The following GRIA2 variants were observed in gnomAD, a reference collection of about 807,000 sequenced individuals.
GRIA2 encodes glutamate ionotropic receptor AMPA type subunit 2.
Under a neutral mutation model 97.3 loss-of-function variants are expected in GRIA2, and 14 were observed. That is an observed-to-expected ratio of 0.14 (90% CI 0.10 to 0.23). The LOEUF (loss-of-function observed/expected upper bound fraction) is 0.23. GRIA2 is among the 10% of genes least tolerant of loss of function. The pLI is 1.00. For missense variants in GRIA2, 558 were observed against 1,069.8 expected (o/e 0.52, Z 6.67); for synonymous variants, 412 against 387.8 (o/e 1.06, Z -0.73).
chr4:157,223,030 G>A (rs1368811089), intron 2 of GRIA2, among the ~76,000 whole-genome samples: 1 of 152,138 alleles, frequency 6.6e-6, no homozygotes, highest in Non-Finnish European at 1.5e-5. Context: ...GGAGATCTGC[G>A]GATGGCTCAC....
intron 12 of GRIA2, among the ~76,000 whole-genome samples, chr4:157,356,442 T>C (rs1250599965): frequency 6.6e-6 from 1 of 151,780 alleles, no homozygotes; most frequent in African/African-American, 2.4e-5. Flanking sequence ...GTGGTTTATT[T>C]TAAAAGTGTG....
chr4:157,341,651 T>C (rs1037422724), intron 12 of GRIA2, among the ~76,000 whole-genome samples, 189 bp downstream of exon 12: 2 of 152,114 alleles, frequency 1.3e-5, no homozygotes, highest in African/African-American at 4.8e-5. Context: ...TAGTTTCTGA[T>C]TCCTGACTCC....
Position 157,363,765 on chromosome 4 carries a change from CTT to C in GRIA2, c.*338_*339del. ...GGAATGATTAATTAAAACACAACATCTTTTTCTACTCGAGTTACAGACAAAGC... is the reference window on the plus strand; with the variant it reads ...GGAATGATTAATTAAAACACAACATCTTTCTACTCGAGTTACAGACAAAGC... On this transcript the variant is annotated 3_prime_UTR_variant, in exon 16 of 16. Coordinates refer to ENST00000264426, the MANE Select transcript of GRIA2 (RefSeq NM_001083619.3). 2.5e-6 allele frequency: 1 copy of C among 392,570 alleles called. No homozygotes were observed. Among genetic ancestry groups the C allele is most frequent in the Admixed American group, 4.5e-5 (1 of 22,296 alleles). The allele number at this position is 392,570 out of a possible 1,614,324, so 24.3% of individuals were successfully genotyped here.
intron 2 of GRIA2, among the ~76,000 whole-genome samples, chr4:157,256,232 TAATA>T (rs1731255179): frequency 8.3e-6 from 1 of 121,162 alleles, no homozygotes; most frequent in Non-Finnish European, 1.7e-5. Context: ...ATATAATATA[TAATA>T]TATATATATA....
intron 2 of GRIA2, among the ~76,000 whole-genome samples, chr4:157,242,920 G>A (rs1730570459): frequency 6.6e-6 from 1 of 152,076 alleles, no homozygotes; most frequent in Non-Finnish European, 1.5e-5. Context: ...GCACATCACA[G>A]CCTTCTTGTG....
At chr4:157,238,886 A>C (rs533003617) in intron 2 of GRIA2, among the ~76,000 whole-genome samples, 1 of 152,232 alleles carries the variant, frequency 6.6e-6, no homozygotes, top group African/African-American at 2.4e-5. Context: ...TACCTATTTG[A>C]TACCTAAAAA....
chr4:157,353,093 C>G (rs1382338564), intron 12 of GRIA2, among the ~76,000 whole-genome samples: 7 of 152,110 alleles, frequency 4.6e-5, no homozygotes, highest in Non-Finnish European at 1.0e-4. Flanking sequence ...TAGCTCACGC[C>G]TGTAATCCCA....
At position 157,365,580 on chromosome 4, in the gene GRIA2, G is replaced by C. The variant is rs1373500659; in HGVS notation, c.*2149G>C. The C allele has an allele frequency of 1.3e-5, 2 of 151,908 alleles. No homozygotes were observed. The highest frequency in any genetic ancestry group is 3.0e-5 in the Non-Finnish European group (2 of 67,574). 9.4% of individuals were successfully genotyped at this position (151,908 alleles called of 1,614,324 possible). On this transcript the variant is annotated 3_prime_UTR_variant, in exon 16 of 16. Coordinates refer to ENST00000264426, the MANE Select transcript of GRIA2 (RefSeq NM_001083619.3). ...AACATGACAAGAATACATAATGTAA[G>C]AGTATTTCAACTATGGATAATGTTG...
At chr4:157,235,065 C>T (rs1456837306) in intron 2 of GRIA2, among the ~76,000 whole-genome samples, 1 of 152,012 alleles carries the variant, frequency 6.6e-6, no homozygotes, top group Admixed American at 6.6e-5. Context: ...ATCATAAGAC[C>T]TTTGGTCAAA....
intron 11 of GRIA2, 46 bp from the exon 12 acceptor site, chr4:157,341,218 A>C (rs751158422): frequency 1.5e-5 from 19 of 1,254,058 alleles, no homozygotes; most frequent in Non-Finnish European, 2.1e-5. Flanking sequence ...TTTTTTTATT[A>C]GGTCATTCAT....
At chr4:157,304,088 C>G (rs890577009) in intron 3 of GRIA2, among the ~76,000 whole-genome samples, 3 of 152,186 alleles carry the variant, frequency 2.0e-5, no homozygotes, top group African/African-American at 7.2e-5. Context: ...AGCTAAAAGT[C>G]TATGACAGCT....
chr4:157,265,943 T>C (rs1352990159), intron 2 of GRIA2, among the ~76,000 whole-genome samples: 2 of 151,928 alleles, frequency 1.3e-5, no homozygotes, highest in African/African-American at 4.8e-5. Context: ...ACTAGAAAGG[T>C]AGGTAGGGAT....
intron 2 of GRIA2, among the ~76,000 whole-genome samples, chr4:157,289,684 T>G (rs909455488): frequency 6.6e-6 from 1 of 151,846 alleles, no homozygotes; most frequent in Admixed American, 6.6e-5. Flanking sequence ...ATTAATAAAG[T>G]TTCTTGATGG....
chr4:157,363,428 ATT>A lies in GRIA2; in HGVS notation c.*4-5_*4-4del, dbSNP rs950719158. ...TTTTTCTTTCTTTCCCTCCTCTCTC[ATT>A]TAAGATGACCTTGAATGATGCCATG... On this transcript the variant is annotated splice_polypyrimidine_tract_variant and splice_region_variant and intron_variant, in intron 15 of 15. Transcript: ENST00000264426. 24 of 1,243,900 alleles carry A rather than the reference ATT, an allele frequency of 1.9e-5. No individual in the cohort carries two copies. In the African/African-American group the frequency reaches 3.6e-4, roughly 18 times the overall value. 77.1% of individuals were successfully genotyped at this position (1,243,900 alleles called of 1,614,324 possible).
chr4:157,282,851 G>T (rs879238697), intron 2 of GRIA2, among the ~76,000 whole-genome samples: 1 of 151,974 alleles, frequency 6.6e-6, no homozygotes, highest in African/African-American at 2.4e-5. Context: ...TGTATGAGCC[G>T]ACATCCAAAA....
At position 157,335,768 on chromosome 4, in the gene GRIA2, A is replaced by G; in HGVS notation, c.1364A>G (p.Lys455Arg). 2 of 1,612,956 alleles carry G rather than the reference A, an allele frequency of 1.2e-6. No homozygotes were observed. Among genetic ancestry groups the G allele is most frequent in the South Asian group, 1.1e-5 (1 of 91,064 alleles). ...YCVDLAAEIA[K>R]HCGFKYKLTI... ...GTTGACCTGGCTGCAGAAATCGCCA[A>G]ACATTGTGGGTTCAAGTACAAGTTG... Residue 455 changes from lysine to arginine, a missense_variant, in exon 10 of 16, where the codon AAA (lysine) becomes AGA (arginine). Coordinates refer to ENST00000264426, the MANE Select transcript of GRIA2 (RefSeq NM_001083619.3).
chr4:157,359,924 T>G lies in GRIA2; in HGVS notation c.2072T>G (p.Met691Arg), dbSNP rs2126998486. 1 of 1,613,762 alleles carries G rather than the reference T, an allele frequency of 6.2e-7. No homozygotes were observed. The highest frequency in any genetic ancestry group is 1.1e-5 in the South Asian group (1 of 91,078). The change falls in exon 13 of 16, where the codon ATG becomes AGG. Residue 691 changes from methionine to arginine, a missense_variant. Met to Arg is a moderately conservative substitution (Grantham distance 91, BLOSUM62 -1). Coordinates refer to ENST00000264426, the MANE Select transcript of GRIA2 (RefSeq NM_001083619.3). ...RRSKIAVFDK[M>R]WTYMRSAEPS... is the part of the protein sequence containing the mutation. ...TCTAAAATTGCAGTGTTTGATAAAA[T>G]GTGGACCTACATGCGGAGTGCGGAG...
chr4:157,332,683 A>G (rs1735109165), intron 6 of GRIA2, 136 bp from the exon 7 acceptor site: 1 of 601,958 alleles, frequency 1.7e-6, no homozygotes, highest in East Asian at 2.8e-5. Flanking sequence ...TTAGGTTTCT[A>G]GATGCAGAAA....
chr4:157,266,245 G>A (rs1731763538), intron 2 of GRIA2, among the ~76,000 whole-genome samples: 1 of 152,062 alleles, frequency 6.6e-6, no homozygotes, highest in Non-Finnish European at 1.5e-5. Context: ...AGTAAGATCT[G>A]GGTTGGAGAT....
Sources: allele counts gnomAD v4.1 joint callset (sites outside exome capture counted in the v4.1 genomes callset), GRCh38; gene constraint gnomAD v4.1.1; transcripts MANE v1.5; gene names NCBI Gene and HGNC (gene_info 2026-07-23, HGNC 2026-07-21).